XXYLT1: variants seen among roughly 807,000 people sequenced by gnomAD.
XXYLT1 encodes UDP-xylose:alpha-xyloside alpha-1,3-xylosyltransferase.
XXYLT1 carries 20 observed loss-of-function variants against 28.9 expected under a neutral mutation model. The ratio of observed to expected loss-of-function variants is 0.69; its 90% confidence interval spans 0.49 to 1.00. XXYLT1 has a LOEUF of 1.00. Ranked by LOEUF, XXYLT1 falls within the 50% of genes least tolerant of loss-of-function variation. XXYLT1 has a pLI of 0.00. For synonymous variants in XXYLT1, 257 were observed against 253.8 expected (o/e 1.01, Z -0.12); for missense variants, 542 against 560.1 (o/e 0.97, Z 0.33).
chr3:195,074,649 C>T lies in XXYLT1; in HGVS notation c.786-4538G>A, dbSNP rs138656020. Among the ~76,000 whole-genome samples, 248 of 152,304 alleles carry T rather than the reference C, an allele frequency of 1.6e-3. 1 individual carries two copies. The highest frequency in any genetic ancestry group is 5.6e-3 in the African/African-American group (233 of 41,568). ...GCCCAGAGGCTCTCCGGACACCCTG[C>T]GCCCTGGCTGGGTGATGTCGGCTAA... On this transcript the variant is annotated intron_variant, in intron 3 of 3. Transcript: ENST00000310380.
chr3:195,207,160 G>A lies in XXYLT1; in HGVS notation c.652+19549C>T, dbSNP rs373280768. Among the ~76,000 whole-genome samples the A allele has an allele frequency of 1.2e-4, 18 of 152,310 alleles. No individual in the cohort carries two copies. In the South Asian group the frequency reaches 3.1e-3, roughly 26 times the overall value. Reference sequence around the variant, plus strand: ...CCCCGGGCAGACTGTGGGATGGCTCGCGGGTCTGAGGAGCGCCTGGGGCAT... The same window carrying A: ...CCCCGGGCAGACTGTGGGATGGCTCACGGGTCTGAGGAGCGCCTGGGGCAT... On this transcript the variant is annotated intron_variant, in intron 2 of 3. Coordinates refer to ENST00000310380, the MANE Select transcript of XXYLT1 (RefSeq NM_152531.5).
intron 3 of XXYLT1, among the ~76,000 whole-genome samples, chr3:195,100,364 G>C (rs1716708362): frequency 6.6e-6 from 1 of 152,136 alleles, no homozygotes; most frequent in Non-Finnish European, 1.5e-5. Context: ...TTACCCACCA[G>C]AGCACCGGAC....
chr3:195,260,011 T>A (rs1725625453), intron 1 of XXYLT1: 1 of 152,478 alleles, frequency 6.6e-6, no homozygotes, highest in East Asian at 1.9e-4. Flanking sequence ...AAAGCCGGTT[T>A]ACCGGCGGCC....
At chr3:195,141,072 C>T (rs1196487883) in intron 3 of XXYLT1, among the ~76,000 whole-genome samples, 2 of 152,320 alleles carry the variant, frequency 1.3e-5, no homozygotes, top group African/African-American at 4.8e-5. Context: ...GCCCTCACCA[C>T]ATACCTGATC....
At chr3:195,087,193 C>G (rs1485372569) in intron 3 of XXYLT1, 1 of 152,434 alleles carries the variant, frequency 6.6e-6, no homozygotes, top group Admixed American at 6.5e-5. Flanking sequence ...CCTCTGGACA[C>G]AGCCGGCCTT....
chr3:195,250,818 C>T (rs1172264272), intron 1 of XXYLT1, among the ~76,000 whole-genome samples: 1 of 152,182 alleles, frequency 6.6e-6, no homozygotes, highest in East Asian at 1.9e-4. Context: ...GGACTTTTCA[C>T]CTGTTCTGTC....
intron 3 of XXYLT1, among the ~76,000 whole-genome samples, chr3:195,132,120 C>T (rs1718935477): frequency 6.6e-6 from 1 of 152,226 alleles, no homozygotes; most frequent in Non-Finnish European, 1.5e-5. Flanking sequence ...GTGATCCACA[C>T]CGCTAAGGCC....
rs937350849 is a variant in XXYLT1, at chr3:195,222,366, G to A, written c.652+4343C>T. ...TCGAAGCTCTTAAGTGGCTGCCTGA[G>A]GTGGCCCATGTGAGAGGTCAGACAC... On this transcript the variant is annotated intron_variant, in intron 2 of 3. Coordinates refer to ENST00000310380, the MANE Select transcript of XXYLT1 (RefSeq NM_152531.5). Among the ~76,000 whole-genome samples the A allele has an allele frequency of 4.6e-5, 7 of 152,332 alleles. No individual in the cohort carries two copies. In the East Asian group the frequency reaches 1.4e-3, roughly 29 times the overall value.
At chr3:195,107,728 G>A (rs111295667) in intron 3 of XXYLT1, among the ~76,000 whole-genome samples, 3,441 of 150,400 alleles carry the variant, frequency 0.023, 61 homozygotes, top group Non-Finnish European at 0.034. Flanking sequence ...AGTATTCTCC[G>A]CACTGTGACC....
intron 1 of XXYLT1, among the ~76,000 whole-genome samples, chr3:195,254,006 G>A (rs1560177268): frequency 6.6e-6 from 1 of 152,204 alleles, no homozygotes; most frequent in South Asian, 2.1e-4. Flanking sequence ...AAGTCACGGG[G>A]GTGCCCACTG....
chr3:195,268,104 T>C (rs1279178002), intron 1 of XXYLT1, among the ~76,000 whole-genome samples: 2 of 150,990 alleles, frequency 1.3e-5, no homozygotes, highest in African/African-American at 4.9e-5. Context: ...CTGGGCAACA[T>C]AGCAAGAATT....
chr3:195,119,271 G>A (rs1373282418), intron 3 of XXYLT1, among the ~76,000 whole-genome samples: 7 of 138,236 alleles, frequency 5.1e-5, no homozygotes, highest in African/African-American at 8.4e-5. Flanking sequence ...GAGACACAGC[G>A]AGACTCCATC....
intron 3 of XXYLT1, chr3:195,153,984 G>T (rs562623818): frequency 6.6e-6 from 1 of 152,428 alleles, no homozygotes; most frequent in South Asian, 2.1e-4. Context: ...TTAGAGCTCA[G>T]CTCTTCTCCT....
At chr3:195,174,179 G>C (rs1721545421) in intron 2 of XXYLT1, among the ~76,000 whole-genome samples, 1 of 152,066 alleles carries the variant, frequency 6.6e-6, no homozygotes, top group South Asian at 2.1e-4. Flanking sequence ...CCCCATCTTT[G>C]TCTAGAGACC....
rs557336257 is a variant in XXYLT1 at position 195,145,593 on chromosome 3, C to T, written c.785+10856G>A. Among the ~76,000 whole-genome samples, 480 of 142,188 alleles carry T rather than the reference C, an allele frequency of 3.4e-3. 2 individuals carry two copies. The highest frequency in any genetic ancestry group is 0.014 in the African/African-American group (457 of 33,100). The allele number at this position is 142,188 out of a possible 152,430, so 93.3% of individuals were successfully genotyped here. On this transcript the variant is annotated intron_variant, in intron 3 of 3. Coordinates refer to ENST00000310380, the MANE Select transcript of XXYLT1 (RefSeq NM_152531.5). Reference sequence around the variant, plus strand: ...GGTGACCGGCATTGATGGGGCCCTGCGAGCATCTCTGTGAAGTCACATGAA... The same window carrying T: ...GGTGACCGGCATTGATGGGGCCCTGTGAGCATCTCTGTGAAGTCACATGAA...
chr3:195,200,554 T>C (rs1251797946), intron 2 of XXYLT1, among the ~76,000 whole-genome samples: 4 of 152,304 alleles, frequency 2.6e-5, no homozygotes, highest in South Asian at 4.1e-4. Flanking sequence ...ATGACCAACT[T>C]GGCTCCTCCC....
intron 3 of XXYLT1, among the ~76,000 whole-genome samples, chr3:195,088,211 T>C (rs1483442892): frequency 1.3e-5 from 2 of 151,514 alleles, no homozygotes; most frequent in Non-Finnish European, 1.5e-5. Flanking sequence ...CCTGCCTCTG[T>C]AGGCTCCACC....
intron 2 of XXYLT1, among the ~76,000 whole-genome samples, chr3:195,182,875 A>C (rs1312429519): frequency 6.6e-6 from 1 of 152,218 alleles, no homozygotes; most frequent in Non-Finnish European, 1.5e-5. Context: ...AAAATTACTG[A>C]GAAACTTCTA....
intron 3 of XXYLT1, among the ~76,000 whole-genome samples, chr3:195,143,797 T>TATATATAG (rs1399263192): frequency 9.3e-6 from 1 of 107,254 alleles, no homozygotes; most frequent in African/African-American, 3.5e-5. Flanking sequence ...TATATATATA[T>TATATATAG]ATAGATAGAT....
Sources: allele counts gnomAD v4.1 joint callset (sites outside exome capture counted in the v4.1 genomes callset), GRCh38; gene constraint gnomAD v4.1.1; transcripts MANE v1.5; gene names NCBI Gene and HGNC (gene_info 2026-07-23, HGNC 2026-07-21).